The following FBXL17 variants were observed in gnomAD, a reference collection of about 807,000 sequenced individuals.
FBXL17 encodes the protein F-box/LRR-repeat protein 17.
In FBXL17, 22 loss-of-function variants were observed where a neutral mutation model predicts 66.2. That is an observed-to-expected ratio of 0.33 (90% CI 0.24 to 0.47). The LOEUF is 0.47. Ranked by LOEUF, FBXL17 falls within the 20% of genes least tolerant of loss-of-function variation. The pLI, the probability that FBXL17 is intolerant of heterozygous loss-of-function variation, is 1.00. For missense variants in FBXL17, 878 were observed against 948.2 expected, an observed-to-expected ratio of 0.93 and a Z score of 0.97; for synonymous variants, 474 against 400.5, an observed-to-expected ratio of 1.18 and a Z score of -2.19.
intron 6 of FBXL17, among the ~76,000 whole-genome samples, chr5:108,081,664 AG>A (rs1314098950): frequency 6.6e-6 from 1 of 152,154 alleles, no homozygotes; most frequent in African/African-American, 2.4e-5. Flanking sequence ...CGGAGCTTGC[AG>A]TGAGCCGAGA....
intron 4 of FBXL17, among the ~76,000 whole-genome samples, chr5:108,340,037 A>C (rs1371349441): frequency 1.3e-5 from 2 of 152,136 alleles, no homozygotes; most frequent in East Asian, 3.9e-4. Context: ...GCACACAGGG[A>C]AAGAAAAAAT....
rs183983415 is a variant in FBXL17 at position 107,933,332 on chromosome 5, A to T, written c.1823-52153T>A. 3.3e-5 allele frequency among the ~76,000 whole-genome samples: 5 copies of T among 152,260 alleles called. No individual in the cohort carries two copies. In the South Asian group the frequency reaches 6.2e-4, roughly 19 times the overall value. ...CACCTCCTCACTGATTACTCCACAC[A>T]TTCGGTCTGGGTATGTGCATCACAA... On this transcript the variant is annotated intron_variant, in intron 7 of 8. Transcript: ENST00000542267.
chr5:108,052,129 A>G (rs868696949), intron 6 of FBXL17, among the ~76,000 whole-genome samples: 3,670 of 40,850 alleles, frequency 0.09, 165 homozygotes, highest in African/African-American at 0.24. Flanking sequence ...AAAAAAAAAA[A>G]AAAAAGAAAA....
At chr5:108,177,908 A>AAAGTATATATATATAT (rs1335669725) in intron 6 of FBXL17, among the ~76,000 whole-genome samples, 1 of 70,200 alleles carries the variant, frequency 1.4e-5, no homozygotes, top group Non-Finnish European at 3.0e-5. Flanking sequence ...CAGAAAAAAA[A>AAAGTATATATATATAT]ATGTATATAT....
At chr5:108,130,443 G>A (rs1290976164) in intron 6 of FBXL17, among the ~76,000 whole-genome samples, 6 of 151,846 alleles carry the variant, frequency 4.0e-5, no homozygotes, top group African/African-American at 9.7e-5. Context: ...TGATTACTAC[G>A]CCTTTGAATA....
At chr5:108,253,642 A>T (rs566625216) in intron 4 of FBXL17, among the ~76,000 whole-genome samples, 2 of 152,254 alleles carry the variant, frequency 1.3e-5, no homozygotes, top group African/African-American at 4.8e-5. Flanking sequence ...CATCAGGGAT[A>T]ATTAGAACTA....
intron 5 of FBXL17, among the ~76,000 whole-genome samples, chr5:108,198,956 G>T (rs1753784381): frequency 1.3e-5 from 2 of 151,956 alleles, no homozygotes; most frequent in Non-Finnish European, 2.9e-5. Flanking sequence ...TTGAAATGAG[G>T]TGCAAAAATT....
At chr5:107,906,112 A>G (rs1409365442) in intron 7 of FBXL17, among the ~76,000 whole-genome samples, 1 of 151,904 alleles carries the variant, frequency 6.6e-6, no homozygotes, top group African/African-American at 2.4e-5. Flanking sequence ...CCCTGGATCC[A>G]AATGTATATT....
chr5:107,919,110 C>G lies in FBXL17; in HGVS notation c.1823-37931G>C, dbSNP rs1352968504. On this transcript the variant is annotated intron_variant, in intron 7 of 8. Transcript: ENST00000542267. Reference sequence around the variant, plus strand: ...CATGTTCTTTTTAAAGACAGATAAACAGATTACGCACTGAGTCAAAAAAAG... The same window carrying G: ...CATGTTCTTTTTAAAGACAGATAAAGAGATTACGCACTGAGTCAAAAAAAG... Among the ~76,000 whole-genome samples, 3 of 152,042 alleles carry G rather than the reference C, an allele frequency of 2.0e-5. No individual in the cohort carries two copies. In the East Asian group the frequency reaches 5.8e-4, roughly 29 times the overall value.
intron 5 of FBXL17, among the ~76,000 whole-genome samples, chr5:108,220,346 C>A (rs1392780997): frequency 6.6e-6 from 1 of 152,108 alleles, no homozygotes; most frequent in Non-Finnish European, 1.5e-5. Flanking sequence ...CTGAGTTACC[C>A]CCCAACCTGT....
intron 3 of FBXL17, among the ~76,000 whole-genome samples, chr5:108,361,897 T>C (rs999150326): frequency 6.6e-6 from 1 of 152,144 alleles, no homozygotes; most frequent in African/African-American, 2.4e-5. Context: ...GGTCCCACAC[T>C]GGGAACTCGG....
At chr5:107,983,010 CT>C (rs1298114444) in intron 7 of FBXL17, among the ~76,000 whole-genome samples, 4 of 151,348 alleles carry the variant, frequency 2.6e-5, no homozygotes, top group South Asian at 2.1e-4. Context: ...CAAGTCATTC[CT>C]TTTTTTTTCC....
intron 7 of FBXL17, among the ~76,000 whole-genome samples, chr5:107,994,109 G>T (rs1753372456): frequency 6.6e-6 from 1 of 151,920 alleles, no homozygotes; most frequent in African/African-American, 2.4e-5. Context: ...AATTAAGAAG[G>T]CTTGGAAAAG....
chr5:108,018,136 G>C (rs1754453542), intron 7 of FBXL17, among the ~76,000 whole-genome samples: 1 of 152,120 alleles, frequency 6.6e-6, no homozygotes, highest in African/African-American at 2.4e-5. Context: ...AGACTCACCA[G>C]CTTGAATACG....
chr5:108,280,016 G>C (rs918656542), intron 4 of FBXL17, among the ~76,000 whole-genome samples: 1 of 151,910 alleles, frequency 6.6e-6, no homozygotes, highest in Admixed American at 6.6e-5. Context: ...GAATACCTAA[G>C]GAAAAAGAGA....
chr5:107,892,642 C>T (rs1336033333), intron 7 of FBXL17, among the ~76,000 whole-genome samples: 2 of 151,968 alleles, frequency 1.3e-5, no homozygotes, highest in East Asian at 1.9e-4. Flanking sequence ...TTTACTGGTG[C>T]CAAAATCCAA....
At chr5:107,916,507 A>G (rs1156495511) in intron 7 of FBXL17, among the ~76,000 whole-genome samples, 1 of 152,210 alleles carries the variant, frequency 6.6e-6, no homozygotes, top group East Asian at 1.9e-4. Context: ...GAAACTAAAT[A>G]AAGGTATTTG....
At chr5:108,068,692 C>T (rs914043129) in intron 6 of FBXL17, among the ~76,000 whole-genome samples, 14 of 151,966 alleles carry the variant, frequency 9.2e-5, no homozygotes, top group African/African-American at 2.7e-4. Flanking sequence ...CTCCTGACCT[C>T]GTGATCCACC....
chr5:107,917,137 C>G (rs1199628918), intron 7 of FBXL17, among the ~76,000 whole-genome samples: 1 of 152,184 alleles, frequency 6.6e-6, no homozygotes, highest in African/African-American at 2.4e-5. Flanking sequence ...ACCGCCACTA[C>G]TATTACAATT....
Sources: allele counts gnomAD v4.1 joint callset (sites outside exome capture counted in the v4.1 genomes callset), GRCh38; gene constraint gnomAD v4.1.1; transcripts MANE v1.5; gene names NCBI Gene and HGNC (gene_info 2026-07-23, HGNC 2026-07-21).